PRUNE2: variants seen among roughly 807,000 people sequenced by gnomAD.
The protein encoded by PRUNE2 is prune homolog 2 with BCH domain, also known as protein prune homolog 2.
Under a neutral mutation model 252.0 loss-of-function variants are expected in PRUNE2, and 164 were observed. The observed-to-expected ratio is 0.65, with a 90% CI of 0.57 to 0.74. The LOEUF (loss-of-function observed/expected upper bound fraction) is 0.74, where lower values mean the gene tolerates loss of function less well. Ranked by LOEUF, PRUNE2 falls within the 30% of genes least tolerant of loss-of-function variation. The pLI, the probability that PRUNE2 is intolerant of heterozygous loss-of-function variation, is 0.00. For missense variants in PRUNE2, 3,495 were observed against 3,711.0 expected, an observed-to-expected ratio of 0.94 and a Z score of 1.51; for synonymous variants, 1,292 against 1,350.2, an observed-to-expected ratio of 0.96 and a Z score of 0.94.
chr9:76,641,938 G>A, intron 12 of PRUNE2: 1 of 1,525,838 alleles, frequency 6.6e-7, no homozygotes, highest in South Asian at 1.2e-5. Flanking sequence ...TCTTTCCAGG[G>A]TCATTTGTCC....
rs2057320346 is a variant in PRUNE2 at position 76,810,982 on chromosome 9, C to T, written c.756+12650G>A. 4.6e-5 allele frequency among the ~76,000 whole-genome samples: 7 copies of T among 152,216 alleles called. No individual in the cohort carries two copies. The South Asian group carries it at 1.5e-3, about 32-fold the overall frequency. ...ATATGATTCTCAGGAGCGTTACAGA[C>T]AAACTAATTTAAACCAAGGTCAGGT... On this transcript the variant is annotated intron_variant, in intron 6 of 18. Coordinates refer to ENST00000376718, the MANE Select transcript of PRUNE2 (RefSeq NM_015225.3).
chr9:76,831,420 A>C (rs1430613655), intron 4 of PRUNE2, among the ~76,000 whole-genome samples: 2 of 152,172 alleles, frequency 1.3e-5, no homozygotes, highest in Non-Finnish European at 2.9e-5. Flanking sequence ...GAATAAATTC[A>C]ATATTCACTG....
At position 76,897,414 on chromosome 9, in the gene PRUNE2, T is replaced by A. The variant is rs945220284; in HGVS notation, c.36+8514A>T. ...TCTTTTTTTTTTTTTTTTTTTTTTT[T>A]TTTTTTTTTTTTTGAGATGGAGTCT... On this transcript the variant is annotated intron_variant, in intron 1 of 18. Transcript: ENST00000376718. Among the ~76,000 whole-genome samples, 32 of 124,818 alleles carry A rather than the reference T, an allele frequency of 2.6e-4. 1 individual carries two copies. The highest frequency in any genetic ancestry group is 4.9e-4 in the Non-Finnish European group (29 of 59,414). The allele number at this position is 124,818 out of a possible 152,430, so 81.9% of individuals were successfully genotyped here.
rs183644294 is a variant in PRUNE2, at chr9:76,633,170, A to G, written c.9050+3301T>C. Among the ~76,000 whole-genome samples, 11 of 152,314 alleles carry G rather than the reference A, an allele frequency of 7.2e-5. No individual in the cohort carries two copies. In the East Asian group the frequency reaches 1.9e-3, roughly 27 times the overall value. The stretch of plus-strand genomic sequence containing the variant: ...CTGGGAGGCGGAGGCTGCAGAAAGC[A>G]GAGATCATGCCACTGCACTCCAGTC... On this transcript the variant is annotated intron_variant, in intron 15 of 18. Transcript: ENST00000376718.
chr9:76,669,703 G>T (rs1428203981), intron 9 of PRUNE2, among the ~76,000 whole-genome samples: 1 of 152,200 alleles, frequency 6.6e-6, no homozygotes, highest in African/African-American at 2.4e-5. Context: ...GGCGTGAGAT[G>T]CCAGTCTTCC....
intron 6 of PRUNE2, 83 bp downstream of exon 6, chr9:76,823,549 C>T: frequency 1.2e-6 from 1 of 823,714 alleles, no homozygotes; most frequent in Non-Finnish European, 2.2e-6. Flanking sequence ...ATGGACTTAT[C>T]CAATGGAGAG....
rs1827803808 is a variant in PRUNE2, at chr9:76,612,674, C to T, written c.*1896G>A. The T allele has an allele frequency of 1.3e-5, 2 of 152,072 alleles. No homozygotes were observed. Among genetic ancestry groups the T allele is most frequent in the African/African-American group, 4.8e-5 (2 of 41,352 alleles). The allele number at this position is 152,072 out of a possible 1,614,324, so 9.4% of individuals were successfully genotyped here. On this transcript the variant is annotated 3_prime_UTR_variant, in exon 19 of 19. Coordinates refer to ENST00000376718, the MANE Select transcript of PRUNE2 (RefSeq NM_015225.3). ...AGAACATACAATTCAACAAGATACTCGCTTGAAAGGATCAAGAGGAGAAAA... is the reference window on the plus strand; with the variant it reads ...AGAACATACAATTCAACAAGATACTTGCTTGAAAGGATCAAGAGGAGAAAA...
chr9:76,777,845 C>T (rs1338559802), intron 6 of PRUNE2, among the ~76,000 whole-genome samples: 2 of 152,078 alleles, frequency 1.3e-5, no homozygotes, highest in Non-Finnish European at 2.9e-5. Context: ...GAAATAAGTT[C>T]AGGGGGCTAA....
At position 76,833,498 on chromosome 9, in the gene PRUNE2, G is replaced by C. The variant is rs902442816; in HGVS notation, c.509-6766C>G. On this transcript the variant is annotated intron_variant, in intron 4 of 18. Coordinates refer to ENST00000376718, the MANE Select transcript of PRUNE2 (RefSeq NM_015225.3). Reference sequence around the variant, plus strand: ...AACCAAATACAGGCCGGGCGTGGTGGCTCATGCCTGTAATCCCCGCACTTT... The same window carrying C: ...AACCAAATACAGGCCGGGCGTGGTGCCTCATGCCTGTAATCCCCGCACTTT... Among the ~76,000 whole-genome samples the C allele has an allele frequency of 9.2e-5, 14 of 152,302 alleles. No homozygotes were observed. The South Asian group carries it at 2.5e-3, about 27-fold the overall frequency.
At chr9:76,835,790 CT>C (rs2058929622) in intron 4 of PRUNE2, among the ~76,000 whole-genome samples, 1 of 152,116 alleles carries the variant, frequency 6.6e-6, no homozygotes, top group Non-Finnish European at 1.5e-5. Flanking sequence ...CCTATTTGAC[CT>C]CCTTAAAAGG....
In PRUNE2 at chr9:76,709,638, G is replaced by C. The variant is rs530025669; in HGVS notation, c.2636C>G (p.Pro879Arg). Residue 879 changes from proline to arginine, a missense_variant, in exon 8 of 19, where the codon CCT becomes CGT. Physicochemically the swap from Pro to Arg is moderately radical, Grantham distance 103 (BLOSUM62 -2). Transcript: ENST00000376718. Reference protein sequence around the residue: ...NNDSRDHIFAPGNPSSDLDHT... With the variant: ...NNDSRDHIFARGNPSSDLDHT... The stretch of plus-strand genomic sequence containing the variant: ...ATCCAGATCAGAACTGGGATTTCCA[G>C]GTGCAAAGATGTGATCCCTGGAGTC... The C allele has an allele frequency of 6.2e-7, 1 of 1,613,936 alleles. No homozygotes were observed. Among genetic ancestry groups the C allele is most frequent in the East Asian group, 2.2e-5 (1 of 44,870 alleles).
rs934174189 is a variant in PRUNE2, at chr9:76,838,758, A to C, written c.508+7757T>G. Among the ~76,000 whole-genome samples, 27 of 152,172 alleles carry C rather than the reference A, an allele frequency of 1.8e-4. No individual in the cohort carries two copies. In the East Asian group the frequency reaches 2.3e-3, roughly 13 times the overall value. On this transcript the variant is annotated intron_variant, in intron 4 of 18. Transcript: ENST00000376718. ...GAAAAGCAAAGAAGAGTATACCACA[A>C]AAATGGGAATACCAGTTAACGCTAG...
chr9:76,767,690 T>C (rs1040757842), intron 6 of PRUNE2, among the ~76,000 whole-genome samples: 1 of 152,192 alleles, frequency 6.6e-6, no homozygotes, highest in South Asian at 2.1e-4. Context: ...CTCTTGACCC[T>C]ATTTTGTTTT....
chr9:76,880,103 C>T (rs2133265577), intron 1 of PRUNE2, among the ~76,000 whole-genome samples: 1 of 151,384 alleles, frequency 6.6e-6, no homozygotes, highest in African/African-American at 2.4e-5. Context: ...TTAATAGAGA[C>T]AGAGTTTCAC....
At chr9:76,671,897 A>G (rs2041559959) in intron 9 of PRUNE2, among the ~76,000 whole-genome samples, 1 of 152,178 alleles carries the variant, frequency 6.6e-6, no homozygotes, top group Non-Finnish European at 1.5e-5. Context: ...GAGCTCCTGA[A>G]GGAAGCACTA....
intron 6 of PRUNE2, among the ~76,000 whole-genome samples, chr9:76,818,424 T>C (rs2057826547): frequency 2.6e-5 from 4 of 152,164 alleles, no homozygotes; most frequent in Admixed American, 6.5e-5. Context: ...TGAATGCTAA[T>C]GGAAAACATT....
chr9:76,674,589 A>G (rs1487461920), intron 9 of PRUNE2, among the ~76,000 whole-genome samples: 3 of 151,380 alleles, frequency 2.0e-5, no homozygotes, highest in African/African-American at 4.8e-5. Context: ...GAACCAAAAA[A>G]GAGCCCGCAT....
chr9:76,892,003 C>CATAAGG (rs902804860), intron 1 of PRUNE2, among the ~76,000 whole-genome samples: 3 of 152,110 alleles, frequency 2.0e-5, no homozygotes, highest in African/African-American at 7.2e-5. Context: ...TTTACTGTTC[C>CATAAGG]ATAAGGCTCA....
At chr9:76,747,083 T>C (rs1191437596) in intron 6 of PRUNE2, among the ~76,000 whole-genome samples, 4 of 152,152 alleles carry the variant, frequency 2.6e-5, no homozygotes, top group Non-Finnish European at 4.4e-5. Flanking sequence ...ACTGTGTCCT[T>C]AACTTGAGGG....
Sources: gnomAD v4.1 joint callset for allele counts (sites outside exome capture counted in the v4.1 genomes callset) on GRCh38, gnomAD v4.1.1 for gene constraint, MANE v1.5 for transcripts, NCBI Gene and HGNC (gene_info 2026-07-23, HGNC 2026-07-21) for gene names.